The following GALNT16 variants were observed in gnomAD, a reference collection of about 807,000 sequenced individuals.
The protein encoded by GALNT16 is UDP-GalNAc:polypeptide N-acetylgalactosaminyltransferase-like protein 1.
In GALNT16, 40 loss-of-function variants were observed where a neutral mutation model predicts 76.1. The observed-to-expected ratio is 0.53, with a 90% CI of 0.41 to 0.68. GALNT16 has a LOEUF of 0.68. Among genes scored for constraint, GALNT16 ranks in the 30% least tolerant of loss-of-function variants. The pLI is 0.00. For missense variants in GALNT16, 621 were observed against 731.9 expected, an observed-to-expected ratio of 0.85 and a Z score of 1.75; for synonymous variants, 276 against 285.2, an observed-to-expected ratio of 0.97 and a Z score of 0.32.
Position 69,328,547 on chromosome 14 carries a change from G to A in GALNT16, c.666G>A (p.Pro222=), listed in dbSNP as rs766050730. The change falls in exon 6 of 15, where the codon CCG becomes CCA. Residue 222 remains proline (P), a synonymous_variant. Transcript: ENST00000448469. The part of the protein sequence containing the change: ...SHCEVNTEWL[P]PMLQRVKEDH... The stretch of plus-strand genomic sequence containing the variant: ...GCGAAGTGAACACCGAGTGGCTGCC[G>A]CCCATGCTGCAGCGGGTGAAGGAGG... 23 of 1,613,404 alleles carry A rather than the reference G, an allele frequency of 1.4e-5. No individual in the cohort carries two copies. The highest frequency in any genetic ancestry group is 3.3e-5 in the Admixed American group (2 of 59,966).
chr14:69,368,285 T>A, the GALNT16 span, among the ~76,000 whole-genome samples: 1 of 152,320 alleles, frequency 6.6e-6, no homozygotes, highest in Admixed American at 6.5e-5. Context: ...AATTAACATT[T>A]ATTATCTCAC....
the GALNT16 span, chr14:69,380,786 C>A: frequency 1.7e-6 from 1 of 581,932 alleles, no homozygotes; most frequent in South Asian, 2.2e-5. Flanking sequence ...GCTACTTACA[C>A]AGTCGTTGAA....
intron 2 of GALNT16, among the ~76,000 whole-genome samples, chr14:69,322,789 G>A (rs780716727): frequency 2.6e-5 from 4 of 152,160 alleles, no homozygotes; most frequent in Non-Finnish European, 4.4e-5. Flanking sequence ...TACTCGGGAG[G>A]CTAAGGCAGG....
downstream of GALNT16, chr14:69,355,413 C>G (rs762347437): frequency 6.6e-6 from 1 of 152,438 alleles, no homozygotes; most frequent in East Asian, 1.9e-4. Context: ...CAGCCCACCA[C>G]CCACCGCCTA....
At chr14:69,370,230 G>A in the GALNT16 span, among the ~76,000 whole-genome samples, 1 of 152,210 alleles carries the variant, frequency 6.6e-6, no homozygotes, top group Admixed American at 6.5e-5. Context: ...TGACATAGCA[G>A]AGCTACCTCG....
At chr14:69,303,899 A>G (rs2044891464) in intron 1 of GALNT16, among the ~76,000 whole-genome samples, 1 of 152,214 alleles carries the variant, frequency 6.6e-6, no homozygotes, top group Admixed American at 6.5e-5. Context: ...ATAAACAAAA[A>G]TGGGATCAAA....
chr14:69,360,671 A>G (rs2045718994), downstream of GALNT16, among the ~76,000 whole-genome samples: 1 of 152,188 alleles, frequency 6.6e-6, no homozygotes, highest in Admixed American at 6.5e-5. Context: ...AATAGAAGAA[A>G]AAAAAGGAAA....
intron 9 of GALNT16, among the ~76,000 whole-genome samples, chr14:69,335,754 C>T (rs191972993): frequency 6.6e-6 from 1 of 152,292 alleles, no homozygotes; most frequent in East Asian, 1.9e-4. Flanking sequence ...AGACTCCTGT[C>T]GCTGGTGGGT....
rs138000077 is a variant in GALNT16, at chr14:69,325,352, T to C, written c.450T>C (p.Thr150=). Residue 150 remains threonine (T), a synonymous_variant, in exon 4 of 15, where the codon ACT becomes ACC. Transcript: ENST00000448469. ...GCTACTGTAGTGTCCTGAACCGAAC[T>C]CCTGCCAACTTGATCCAGGAGATCA... ...LRTVKSVLNR[T]PANLIQEIIL... is the part of the protein sequence containing the mutation. 226 of 1,599,958 alleles carry C rather than the reference T, an allele frequency of 1.4e-4. No individual in the cohort carries two copies. Among genetic ancestry groups the C allele is most frequent in the Admixed American group, 1.8e-4 (11 of 59,994 alleles).
intron 1 of GALNT16, among the ~76,000 whole-genome samples, chr14:69,307,803 C>G (rs977458628): frequency 2.0e-5 from 3 of 152,108 alleles, no homozygotes; most frequent in Non-Finnish European, 4.4e-5. Context: ...TGCCCATGTG[C>G]CTAAGTACCT....
In GALNT16 at chr14:69,261,075, C is replaced by T. The variant is rs2044263977; in HGVS notation, c.177+608C>T. The stretch of plus-strand genomic sequence containing the variant: ...TTGAGGAGAGGTCTCGCACTGTACG[C>T]GTCTCTCACTCCCAACCTTAGGGTC... On this transcript the variant is annotated intron_variant, in intron 1 of 14. Coordinates refer to ENST00000448469, the MANE Select transcript of GALNT16 (RefSeq NM_001168368.2). This position sits in a 1 kb window ranked among gnomAD's most constrained non-coding sequence, Gnocchi z 6.4. Among the ~76,000 whole-genome samples, 1 of 152,206 alleles carries T rather than the reference C, an allele frequency of 6.6e-6. No individual in the cohort carries two copies. The highest frequency in any genetic ancestry group is 2.1e-4 in the South Asian group (1 of 4,834).
chr14:69,306,831 C>T (rs1466148018), intron 1 of GALNT16, among the ~76,000 whole-genome samples: 2 of 152,162 alleles, frequency 1.3e-5, no homozygotes, highest in Non-Finnish European at 2.9e-5. Context: ...ACACTAGAAA[C>T]GTACTGCCAG....
chr14:69,372,565 G>A, the GALNT16 span, among the ~76,000 whole-genome samples: 46 of 138,538 alleles, frequency 3.3e-4, no homozygotes, highest in African/African-American at 1.2e-3. Context: ...ATGCGATCTC[G>A]GCTCACTGCA....
chr14:69,293,310 G>T (rs999045704), intron 1 of GALNT16, among the ~76,000 whole-genome samples: 2 of 152,184 alleles, frequency 1.3e-5, no homozygotes, highest in African/African-American at 4.8e-5. Context: ...GTCTAAACCA[G>T]ATAGAAAAGG....
intron 1 of GALNT16, among the ~76,000 whole-genome samples, chr14:69,299,945 A>C (rs1475993119): frequency 6.6e-6 from 1 of 152,154 alleles, no homozygotes; most frequent in Non-Finnish European, 1.5e-5. Context: ...CAGCTCTGAG[A>C]TGTTACAAGA....
intron 7 of GALNT16, chr14:69,332,419 C>T (rs2045362503): frequency 1.3e-5 from 2 of 152,784 alleles, no homozygotes; most frequent in African/African-American, 4.8e-5. Context: ...TTTCAAGGCT[C>T]AGTAGCCACA....
chr14:69,305,846 C>G (rs1486108580), intron 1 of GALNT16, among the ~76,000 whole-genome samples: 1 of 152,234 alleles, frequency 6.6e-6, no homozygotes, highest in African/African-American at 2.4e-5. Flanking sequence ...ATTGCAAGAC[C>G]AATGGCATGA....
chr14:69,323,569 A>G (rs371499136), intron 2 of GALNT16, among the ~76,000 whole-genome samples: 2 of 152,288 alleles, frequency 1.3e-5, no homozygotes, highest in East Asian at 3.9e-4. Context: ...AGCACACCCC[A>G]GCTCAGCCGG....
intron 1 of GALNT16, among the ~76,000 whole-genome samples, chr14:69,302,269 T>C (rs1205068236): frequency 2.0e-5 from 3 of 152,198 alleles, no homozygotes; most frequent in Admixed American, 6.5e-5. Flanking sequence ...AAAAATCTTC[T>C]GGAAATCTTC....
Sources: gnomAD v4.1 joint callset for allele counts (sites outside exome capture counted in the v4.1 genomes callset) on GRCh38, gnomAD v4.1.1 for gene constraint, Gnocchi (gnomAD v3.1) non-coding constraint, MANE v1.5 for transcripts, NCBI Gene and HGNC (gene_info 2026-07-23, HGNC 2026-07-21) for gene names.